Variants in SCD5 observed in about 807,000 individuals in gnomAD.
The protein encoded by SCD5 is stearoyl-CoA desaturase 5, also known as acyl-CoA-desaturase 4.
Under a neutral mutation model 30.4 loss-of-function variants are expected in SCD5, and 20 were observed. The observed-to-expected ratio is 0.66, with a 90% confidence interval of 0.46 to 0.96. The LOEUF (loss-of-function observed/expected upper bound fraction) is 0.96. SCD5 is among the 40% of genes least tolerant of loss of function. The pLI is 0.00. For synonymous variants in SCD5, 173 were observed against 176.4 expected (o/e 0.98, Z 0.16); for missense variants, 381 against 443.3 (o/e 0.86, Z 1.26).
At chr4:82,634,490 C>CG (rs369983527) in intron 4 of SCD5, among the ~76,000 whole-genome samples, 16 of 128,328 alleles carry the variant, frequency 1.2e-4, no homozygotes, top group South Asian at 6.0e-4. Flanking sequence ...CCACCTCCCC[C>CG]CCCCATCATT....
intron 3 of SCD5, among the ~76,000 whole-genome samples, chr4:82,676,510 C>T (rs1163192061): frequency 6.6e-6 from 1 of 152,184 alleles, no homozygotes; most frequent in Non-Finnish European, 1.5e-5. Context: ...AAACTTAAGT[C>T]CCTGTGCTAA....
At chr4:82,712,969 C>A (rs1398428877) in intron 1 of SCD5, among the ~76,000 whole-genome samples, 2 of 152,154 alleles carry the variant, frequency 1.3e-5, no homozygotes, top group African/African-American at 4.8e-5. Context: ...AGACTGCAAG[C>A]TGAGAAGCAA....
chr4:82,646,137 T>C (rs534436544), intron 3 of SCD5, among the ~76,000 whole-genome samples: 2 of 152,346 alleles, frequency 1.3e-5, no homozygotes, highest in South Asian at 4.1e-4. Flanking sequence ...AAATGCACTG[T>C]AATGATGAGT....
chr4:82,747,074 C>CCCCCG (rs796695522), intron 1 of SCD5, among the ~76,000 whole-genome samples: 6 of 149,062 alleles, frequency 4.0e-5, no homozygotes, highest in East Asian at 2.0e-4. Context: ...AACCTGCCCC[C>CCCCCG]CAAGAAAGAC....
chr4:82,760,520 C>T (rs1340439805), intron 1 of SCD5, among the ~76,000 whole-genome samples: 2 of 152,146 alleles, frequency 1.3e-5, no homozygotes, highest in African/African-American at 2.4e-5. Context: ...CTCAGCCTCC[C>T]GAGTAGCTGG....
intron 1 of SCD5, among the ~76,000 whole-genome samples, chr4:82,767,588 A>T (rs1721520447): frequency 2.0e-5 from 3 of 152,236 alleles, no homozygotes. Context: ...ACAGAATGAC[A>T]AACCCAGGCC....
intron 1 of SCD5, among the ~76,000 whole-genome samples, chr4:82,780,397 T>A (rs934837841): frequency 6.6e-6 from 1 of 152,224 alleles, no homozygotes; most frequent in Non-Finnish European, 1.5e-5. Flanking sequence ...TGAGTAGGAA[T>A]GATAGCTTGC....
chr4:82,783,993 T>A (rs1721934862), intron 1 of SCD5, among the ~76,000 whole-genome samples: 1 of 151,984 alleles, frequency 6.6e-6, no homozygotes, highest in Non-Finnish European at 1.5e-5. Flanking sequence ...CAGAAAAAAA[T>A]ATATAGATTC....
At chr4:82,661,010 A>C in intron 3 of SCD5, 1 of 1,614,116 alleles carries the variant, frequency 6.2e-7, no homozygotes, top group Non-Finnish European at 8.5e-7. Context: ...CCTTGATGCC[A>C]TTCACGAAGC....
intron 2 of SCD5, among the ~76,000 whole-genome samples, chr4:82,704,129 C>T (rs1177942228): frequency 2.0e-5 from 3 of 152,162 alleles, no homozygotes; most frequent in Non-Finnish European, 4.4e-5. Flanking sequence ...TATGAAAAGT[C>T]AAACTGTGTA....
intron 4 of SCD5, among the ~76,000 whole-genome samples, chr4:82,635,265 G>A (rs952878608): frequency 9.2e-5 from 14 of 152,138 alleles, no homozygotes; most frequent in Non-Finnish European, 1.9e-4. Context: ...TGATTAAAAC[G>A]AGGAGATAAA....
intron 2 of SCD5, among the ~76,000 whole-genome samples, chr4:82,683,183 A>C (rs914603262): frequency 6.6e-6 from 1 of 152,232 alleles, no homozygotes; most frequent in African/African-American, 2.4e-5. Context: ...AGCCTGGCTT[A>C]CTGTAATATG....
At chr4:82,675,304 C>G (rs1164468287) in intron 3 of SCD5, among the ~76,000 whole-genome samples, 1 of 151,856 alleles carries the variant, frequency 6.6e-6, no homozygotes, top group Non-Finnish European at 1.5e-5. Context: ...AAATAATGAG[C>G]CTTTAAAAAC....
chr4:82,757,140 G>A (rs80326209), intron 1 of SCD5, among the ~76,000 whole-genome samples: 11,744 of 151,944 alleles, frequency 0.077, 474 homozygotes, highest in South Asian at 0.1. Flanking sequence ...CTCCATCCTC[G>A]CTTTCAGTCT....
intron 2 of SCD5, among the ~76,000 whole-genome samples, chr4:82,703,276 A>AT (rs879676388): frequency 2.0e-5 from 3 of 152,178 alleles, no homozygotes; most frequent in Non-Finnish European, 4.4e-5. Flanking sequence ...CTGTTCATTT[A>AT]TTTTTTTATT....
At chr4:82,685,880 G>A (rs372644132) in intron 2 of SCD5, among the ~76,000 whole-genome samples, 4 of 151,330 alleles carry the variant, frequency 2.6e-5, no homozygotes, top group Admixed American at 6.6e-5. Context: ...TTTTTTTTCC[G>A]TACCAAGTCT....
At chr4:82,789,477 G>A (rs11935508) in intron 1 of SCD5, among the ~76,000 whole-genome samples, 15,805 of 152,222 alleles carry the variant, frequency 0.1, 855 homozygotes, top group East Asian at 0.13. Context: ...CCGTGGGGTC[G>A]GTGAGGTCTG....
At chr4:82,685,112 C>T (rs1728672988) in intron 2 of SCD5, among the ~76,000 whole-genome samples, 1 of 152,202 alleles carries the variant, frequency 6.6e-6, no homozygotes, top group African/African-American at 2.4e-5. Flanking sequence ...ACTCTCACCA[C>T]ATGTTAATTG....
chr4:82,790,174 C>T (rs1722072210), intron 1 of SCD5, among the ~76,000 whole-genome samples: 1 of 152,154 alleles, frequency 6.6e-6, no homozygotes, highest in South Asian at 2.1e-4. Context: ...CACATCCCAC[C>T]GACAAGTGCT....
Sources: allele counts gnomAD v4.1 joint callset (sites outside exome capture counted in the v4.1 genomes callset), GRCh38; gene constraint gnomAD v4.1.1; transcripts MANE v1.5; gene names NCBI Gene and HGNC (gene_info 2026-07-23, HGNC 2026-07-21).